The following NDFIP2 variants were observed in gnomAD, a reference collection of about 807,000 sequenced individuals.
The protein encoded by NDFIP2 is Nedd4 family interacting protein 2.
A neutral mutation model predicts 36.0 loss-of-function variants in NDFIP2; 19 were observed. The observed-to-expected ratio is 0.53, with a 90% CI of 0.37 to 0.77. The LOEUF is 0.77. Among genes scored for constraint, NDFIP2 ranks in the 30% least tolerant of loss-of-function variants. The pLI is 0.00. For synonymous variants in NDFIP2, 181 were observed against 167.7 expected (o/e 1.08, Z -0.61); for missense variants, 446 against 435.8 (o/e 1.02, Z -0.21).
chr13:79,522,030 A>G (rs575942922), intron 2 of NDFIP2, among the ~76,000 whole-genome samples: 1 of 151,976 alleles, frequency 6.6e-6, no homozygotes, highest in South Asian at 2.1e-4. Context: ...GGGTTTCACC[A>G]TGTTAGCCAG....
At chr13:79,525,817 CTG>C (rs1305813675) in intron 2 of NDFIP2, among the ~76,000 whole-genome samples, 3 of 152,282 alleles carry the variant, frequency 2.0e-5, no homozygotes, top group East Asian at 3.9e-4. Flanking sequence ...GTCACTGAAA[CTG>C]TGGAAAGCAA....
intron 3 of NDFIP2, among the ~76,000 whole-genome samples, chr13:79,538,846 G>A (rs1875347650): frequency 6.6e-6 from 1 of 152,236 alleles, no homozygotes; most frequent in African/African-American, 2.4e-5. Flanking sequence ...GCCTTCCAAA[G>A]TGTGAGATTA....
At chr13:79,509,409 G>A (rs1160053828) in intron 1 of NDFIP2, among the ~76,000 whole-genome samples, 3 of 152,012 alleles carry the variant, frequency 2.0e-5, no homozygotes, top group Non-Finnish European at 4.4e-5. Context: ...AGAGGTTGTG[G>A]AGACCAAGGT....
At chr13:79,504,393 A>G (rs188225228) in intron 1 of NDFIP2, among the ~76,000 whole-genome samples, 1 of 152,142 alleles carries the variant, frequency 6.6e-6, no homozygotes, top group Non-Finnish European at 1.5e-5. Flanking sequence ...AATGACAGAA[A>G]TGATGTTTCT....
chr13:79,494,604 T>A (rs1873367329), intron 1 of NDFIP2, among the ~76,000 whole-genome samples: 1 of 152,124 alleles, frequency 6.6e-6, no homozygotes, highest in African/African-American at 2.4e-5. Flanking sequence ...TCATCAGTAC[T>A]GTTTGCTCTC....
intron 1 of NDFIP2, among the ~76,000 whole-genome samples, chr13:79,518,061 A>G (rs1189556970): frequency 2.6e-5 from 4 of 152,150 alleles, no homozygotes; most frequent in Non-Finnish European, 4.4e-5. Flanking sequence ...TTGCTGATCT[A>G]ACATTTTTGG....
At chr13:79,531,791 A>C (rs529553744) in intron 2 of NDFIP2, among the ~76,000 whole-genome samples, 12 of 152,308 alleles carry the variant, frequency 7.9e-5, no homozygotes, top group Non-Finnish European at 1.6e-4. Flanking sequence ...TCTAACTGGA[A>C]CTAGAATTTA....
intron 1 of NDFIP2, among the ~76,000 whole-genome samples, chr13:79,505,130 G>A (rs1036382501): frequency 6.6e-6 from 1 of 152,216 alleles, no homozygotes; most frequent in Non-Finnish European, 1.5e-5. Flanking sequence ...TGGGGCATCA[G>A]TGGGAGAAAA....
At chr13:79,492,010 T>C (rs983834917) in intron 1 of NDFIP2, among the ~76,000 whole-genome samples, 2 of 152,338 alleles carry the variant, frequency 1.3e-5, no homozygotes, top group African/African-American at 4.8e-5. Context: ...CAGTTTAATA[T>C]TTTAAAAGTT....
chr13:79,519,885 C>G (rs1199814102), intron 1 of NDFIP2, among the ~76,000 whole-genome samples: 2 of 152,222 alleles, frequency 1.3e-5, no homozygotes, highest in Admixed American at 1.3e-4. Context: ...ATTGCAACCT[C>G]TGCCTCCCGG....
intron 1 of NDFIP2, among the ~76,000 whole-genome samples, chr13:79,498,286 CAT>C (rs1353757573): frequency 6.6e-6 from 1 of 151,790 alleles, no homozygotes; most frequent in Non-Finnish European, 1.5e-5. Flanking sequence ...AAATGCTAGT[CAT>C]GTTGTTTTCT....
chr13:79,549,880 G>A (rs572621772), intron 6 of NDFIP2, among the ~76,000 whole-genome samples: 41 of 151,888 alleles, frequency 2.7e-4, no homozygotes, highest in African/African-American at 9.6e-4. Context: ...AAGCAGATGC[G>A]ATTGGGTTTA....
intron 3 of NDFIP2, among the ~76,000 whole-genome samples, chr13:79,534,117 A>C (rs1875130102): frequency 6.6e-6 from 1 of 152,134 alleles, no homozygotes; most frequent in Admixed American, 6.5e-5. Context: ...CACCACTTGG[A>C]AAGTTCTTCT....
rs1047152716 is a variant in NDFIP2 at position 79,520,909 on chromosome 13, G to C, written c.421G>C (p.Ala141Pro). Residue 141 changes from alanine (A) to proline (P), a missense_variant, in exon 2 of 8, where the codon GCA becomes CCA. Ala to Pro is a conservative substitution (Grantham distance 27). Around this residue, in one of 2 missense-constraint regions of NDFIP2, gnomAD observed 369 missense variants for 304.8 expected, o/e 1.21. Coordinates refer to ENST00000218652, the MANE Select transcript of NDFIP2 (RefSeq NM_019080.3). ...QIVQAASSAPALETDSSPPPY... is the reference protein window; with the variant it reads ...QIVQAASSAPPLETDSSPPPY... ...TGTGCAGGCTGCGTCTTCAGCACCAGCACTTGAAACTGACTCTTCCCCTCC... is the reference window on the plus strand; with the variant it reads ...TGTGCAGGCTGCGTCTTCAGCACCACCACTTGAAACTGACTCTTCCCCTCC... 4.3e-6 allele frequency: 7 copies of C among 1,613,644 alleles called. No homozygotes were observed. The highest frequency in any genetic ancestry group is 5.9e-6 in the Non-Finnish European group (7 of 1,179,828).
rs147930793 is a variant in NDFIP2, at chr13:79,510,246, A to G, written c.322-10564A>G. On this transcript the variant is annotated intron_variant, in intron 1 of 7. Coordinates refer to ENST00000218652, the MANE Select transcript of NDFIP2 (RefSeq NM_019080.3). Reference sequence around the variant, plus strand: ...GTCCTGTATATGAACATTTGCTATTATTGCTGTGTTGTAAGTCACTGATGC... The same window carrying G: ...GTCCTGTATATGAACATTTGCTATTGTTGCTGTGTTGTAAGTCACTGATGC... Among the ~76,000 whole-genome samples the G allele has an allele frequency of 4.7e-3, 713 of 151,928 alleles. 9 individuals are homozygous for G. The highest frequency in any genetic ancestry group is 0.017 in the African/African-American group (688 of 41,406).
intron 7 of NDFIP2, among the ~76,000 whole-genome samples, chr13:79,551,939 G>A (rs561488597): frequency 6.6e-6 from 1 of 151,304 alleles, no homozygotes; most frequent in African/African-American, 2.4e-5. Flanking sequence ...TCTGAATGCA[G>A]GACTATAAGG....
Position 79,535,409 on chromosome 13 carries a change from A to C in NDFIP2, c.621+1953A>C, listed in dbSNP as rs541359720. On this transcript the variant is annotated intron_variant, in intron 3 of 7. Coordinates refer to ENST00000218652, the MANE Select transcript of NDFIP2 (RefSeq NM_019080.3). The stretch of plus-strand genomic sequence containing the variant: ...TTTGAAGAGAAAAGTCTGAAGTATT[A>C]CTGTTCCATTCCCTCATTGTCATCA... Among the ~76,000 whole-genome samples the C allele has an allele frequency of 7.7e-4, 117 of 152,330 alleles. 1 individual carries two copies. Among genetic ancestry groups the C allele is most frequent in the African/African-American group, 2.7e-3 (112 of 41,592 alleles).
At chr13:79,549,132 C>T (rs2137118708) in intron 6 of NDFIP2, among the ~76,000 whole-genome samples, 1 of 152,024 alleles carries the variant, frequency 6.6e-6, no homozygotes, top group African/African-American at 2.4e-5. Flanking sequence ...TGGCAGTCTT[C>T]TCTCTGAGTT....
chr13:79,507,759 A>G (rs1315989882), intron 1 of NDFIP2, among the ~76,000 whole-genome samples: 1 of 151,824 alleles, frequency 6.6e-6, no homozygotes, highest in African/African-American at 2.4e-5. Context: ...ACATAAAGTA[A>G]AAGATAGTTC....
Sources: allele counts gnomAD v4.1 joint callset (sites outside exome capture counted in the v4.1 genomes callset), GRCh38; gene constraint gnomAD v4.1.1; regional missense constraint gnomAD v4.1.1; transcripts MANE v1.5; gene names NCBI Gene and HGNC (gene_info 2026-07-23, HGNC 2026-07-21).